Variants in ATRNL1 observed in about 807,000 individuals in gnomAD.
ATRNL1 encodes attractin like 1.
A neutral mutation model predicts 182.7 loss-of-function variants in ATRNL1; 95 were observed. The ratio of observed to expected loss-of-function variants is 0.52; its 90% CI spans 0.44 to 0.62. ATRNL1 has a LOEUF of 0.62. Ranked by LOEUF, ATRNL1 falls within the 20% of genes least tolerant of loss-of-function variation. The pLI, the probability that ATRNL1 is intolerant of heterozygous loss-of-function variation, is 0.00. For synonymous variants in ATRNL1, 576 were observed against 568.3 expected, an observed-to-expected ratio of 1.01 and a Z score of -0.19; for missense variants, 1,471 against 1,679.5, an observed-to-expected ratio of 0.88 and a Z score of 2.17.
chr10:115,655,251 G>A (rs541791222), intron 26 of ATRNL1, among the ~76,000 whole-genome samples: 10 of 151,996 alleles, frequency 6.6e-5, no homozygotes, highest in East Asian at 1.9e-4. Flanking sequence ...ATTGATAACC[G>A]GAAAAAAAGG....
chr10:115,894,105 T>C (rs1952146972), intron 28 of ATRNL1, among the ~76,000 whole-genome samples: 1 of 152,196 alleles, frequency 6.6e-6, no homozygotes, highest in African/African-American at 2.4e-5. Flanking sequence ...AAGCCAGGTG[T>C]CTTCAACATA....
chr10:115,453,904 A>C (rs552217067), intron 21 of ATRNL1, among the ~76,000 whole-genome samples: 4 of 151,966 alleles, frequency 2.6e-5, no homozygotes, highest in African/African-American at 9.7e-5. Flanking sequence ...ATATGTAACT[A>C]ACCTGCACAT....
intron 1 of ATRNL1, among the ~76,000 whole-genome samples, chr10:115,108,860 A>G (rs115222944): frequency 0.012 from 1,890 of 152,202 alleles, 35 homozygotes; most frequent in African/African-American, 0.042. Flanking sequence ...CCATTATACT[A>G]GCTTATTGCT....
Position 115,935,720 on chromosome 10 carries a change from T to C in ATRNL1, c.4019-8938T>C, listed in dbSNP as rs573717626. ...GAATAGTTTTGAGAAACAACCTAGATAATGAATGTAAAAGCATTTTGTAAC... is the reference window on the plus strand; with the variant it reads ...GAATAGTTTTGAGAAACAACCTAGACAATGAATGTAAAAGCATTTTGTAAC... On this transcript the variant is annotated intron_variant, in intron 28 of 28. Transcript: ENST00000355044. Among the ~76,000 whole-genome samples the C allele has an allele frequency of 2.6e-5, 4 of 152,312 alleles. No homozygotes were observed. The East Asian group carries it at 5.8e-4, about 22-fold the overall frequency.
intron 9 of ATRNL1, among the ~76,000 whole-genome samples, chr10:115,221,986 GA>G (rs1171805511): frequency 4.0e-5 from 6 of 151,652 alleles, no homozygotes; most frequent in East Asian, 1.9e-4. Context: ...GATAAGATAC[GA>G]AAAAACAACA....
At chr10:115,640,338 G>A (rs1442460279) in intron 26 of ATRNL1, among the ~76,000 whole-genome samples, 1 of 152,106 alleles carries the variant, frequency 6.6e-6, no homozygotes, top group Non-Finnish European at 1.5e-5. Context: ...CTAGATCATT[G>A]AGGAATTGCC....
chr10:115,142,518 A>G (rs140414424), intron 5 of ATRNL1, among the ~76,000 whole-genome samples: 298 of 152,312 alleles, frequency 2.0e-3, no homozygotes, highest in African/African-American at 6.7e-3. Flanking sequence ...GGATGGAGCT[A>G]TATCAGCTAA....
At chr10:115,102,141 G>A (rs1592099522) in intron 1 of ATRNL1, among the ~76,000 whole-genome samples, 1 of 152,072 alleles carries the variant, frequency 6.6e-6, no homozygotes, top group South Asian at 2.1e-4. Context: ...GTTTGTCCCT[G>A]CAGTCTTATC....
In ATRNL1 at chr10:115,738,154, T is replaced by TTTTTTTTTTTTTTTTTTTGTTTTC. The variant is rs71010046; in HGVS notation, c.3903+10801_3903+10802insTTTTTTTTTTTTTTTTGTTTTCTT. Among the ~76,000 whole-genome samples, 3 of 63,870 alleles carry TTTTTTTTTTTTTTTTTTTGTTTTC rather than the reference T, an allele frequency of 4.7e-5. 1 individual carries two copies. The highest frequency in any genetic ancestry group is 9.8e-5 in the Non-Finnish European group (3 of 30,636). The allele number at this position is 63,870 out of a possible 152,430, so 41.9% of individuals were successfully genotyped here. ...TTTTTTTTTTTTTTTTTTTTTTTTTTTTGAGATGGAGTCCTGCTCTGTCGC... is the reference window on the plus strand; with the variant it reads ...TTTTTTTTTTTTTTTTTTTTTTTTTTTTTTTTTTTTTTTTTTTTGTTTTCTTGAGATGGAGTCCTGCTCTGTCGC... On this transcript the variant is annotated intron_variant, in intron 27 of 28. Transcript: ENST00000355044.
intron 10 of ATRNL1, among the ~76,000 whole-genome samples, chr10:115,250,563 C>T (rs1358201321): frequency 2.0e-5 from 3 of 152,182 alleles, no homozygotes; most frequent in African/African-American, 7.2e-5. Context: ...TTAATGTCTT[C>T]CAGTATATGG....
At chr10:115,302,938 C>T (rs1159370643) in intron 17 of ATRNL1, among the ~76,000 whole-genome samples, 1 of 152,138 alleles carries the variant, frequency 6.6e-6, no homozygotes, top group African/African-American at 2.4e-5. Context: ...CTCTTTGACA[C>T]TGACGCTCAT....
intron 13 of ATRNL1, among the ~76,000 whole-genome samples, chr10:115,279,057 C>G (rs1852233394): frequency 6.6e-6 from 1 of 151,698 alleles, no homozygotes. Flanking sequence ...AAAAAATTAG[C>G]CGGGTGTGGT....
intron 28 of ATRNL1, among the ~76,000 whole-genome samples, chr10:115,878,743 C>A (rs564414162): frequency 6.6e-6 from 1 of 152,228 alleles, no homozygotes; most frequent in Middle Eastern, 3.4e-3. Context: ...TTTGTTAATA[C>A]CGTTAATACC....
intron 8 of ATRNL1, among the ~76,000 whole-genome samples, chr10:115,183,714 G>A (rs1847833319): frequency 6.6e-6 from 1 of 151,296 alleles, no homozygotes; most frequent in Non-Finnish European, 1.5e-5. Flanking sequence ...ATACCAGAGA[G>A]TAAATTTAGC....
chr10:115,327,420 C>A (rs74473042), intron 18 of ATRNL1, among the ~76,000 whole-genome samples: 15 of 152,062 alleles, frequency 9.9e-5, no homozygotes, highest in Admixed American at 2.6e-4. Flanking sequence ...AGCAGTCATT[C>A]AAAAGTCAGG....
chr10:115,752,648 T>G (rs556752841), intron 27 of ATRNL1, among the ~76,000 whole-genome samples: 69 of 152,140 alleles, frequency 4.5e-4, no homozygotes, highest in African/African-American at 1.6e-3. Context: ...GCAAGTACTA[T>G]GTTGTATGAT....
At chr10:115,355,654 C>T (rs911654794) in intron 19 of ATRNL1, among the ~76,000 whole-genome samples, 1 of 151,726 alleles carries the variant, frequency 6.6e-6, no homozygotes, top group African/African-American at 2.4e-5. Context: ...AAAAAAATTC[C>T]AATCCTATAT....
At chr10:115,904,357 C>A (rs183719717) in intron 28 of ATRNL1, among the ~76,000 whole-genome samples, 5 of 152,258 alleles carry the variant, frequency 3.3e-5, no homozygotes, top group African/African-American at 9.6e-5. Context: ...CTTTTTAGGC[C>A]ACCACTCTCA....
Position 115,335,410 on chromosome 10 carries a change from T to G in ATRNL1, c.3175+991T>G, listed in dbSNP as rs888354447. On this transcript the variant is annotated intron_variant, in intron 19 of 28. Coordinates refer to ENST00000355044, the MANE Select transcript of ATRNL1 (RefSeq NM_207303.4). ...ACCAGCTGGAAAGCTTTTAAAAATA[T>G]GGCTGTCTGGGCCACTTTCTAAAAC... Among the ~76,000 whole-genome samples, 4 of 152,332 alleles carry G rather than the reference T, an allele frequency of 2.6e-5. No individual in the cohort carries two copies. The East Asian group carries it at 7.7e-4, about 29-fold the overall frequency.
Sources: allele counts gnomAD v4.1 joint callset (sites outside exome capture counted in the v4.1 genomes callset), GRCh38; gene constraint gnomAD v4.1.1; transcripts MANE v1.5; gene names NCBI Gene and HGNC (gene_info 2026-07-23, HGNC 2026-07-21).